CHL1: variants seen among roughly 807,000 people sequenced by gnomAD.
CHL1 encodes the protein cell adhesion molecule L1 like.
Under a neutral mutation model 141.9 loss-of-function variants are expected in CHL1, and 96 were observed. The observed-to-expected ratio is 0.68, with a 90% confidence interval of 0.57 to 0.80. CHL1 has a LOEUF of 0.80. Ranked by LOEUF, CHL1 falls within the 30% of genes least tolerant of loss-of-function variation. The pLI is 0.00. For synonymous variants in CHL1, 613 were observed against 502.2 expected (o/e 1.22, Z -2.95); for missense variants, 1,820 against 1,457.2 (o/e 1.25, Z -4.05).
At chr3:242,562 C>T (rs374770366) in intron 1 of CHL1, among the ~76,000 whole-genome samples, 1 of 151,844 alleles carries the variant, frequency 6.6e-6, no homozygotes, top group East Asian at 1.9e-4. Flanking sequence ...TGCCACTGCA[C>T]TCCAGCCTGG....
Position 354,764 on chromosome 3 carries a change from A to T in CHL1, c.1158A>T (p.Pro386=), listed in dbSNP as rs1335051305. The change falls in exon 11 of 28, where the codon CCA becomes CCT. Residue 386 remains proline (P), a synonymous_variant. Coordinates refer to ENST00000256509, the MANE Select transcript of CHL1 (RefSeq NM_006614.4). ...PTIKWRVNGS[P]VDNHPFAGDV... Reference sequence around the variant, plus strand: ...TCAAGTGGAGAGTCAATGGCTCCCCAGTTGACAGTAAGTTTAAAAACCAAT... The same window carrying T: ...TCAAGTGGAGAGTCAATGGCTCCCCTGTTGACAGTAAGTTTAAAAACCAAT... The T allele has an allele frequency of 1.2e-6, 2 of 1,613,216 alleles. No individual in the cohort carries two copies. Among genetic ancestry groups the T allele is most frequent in the African/African-American group, 2.7e-5 (2 of 74,866 alleles).
At chr3:244,852 A>G (rs1321015662) in intron 2 of CHL1, among the ~76,000 whole-genome samples, 160 bp downstream of exon 2, 2 of 152,184 alleles carry the variant, frequency 1.3e-5, no homozygotes, top group Admixed American at 6.6e-5. Flanking sequence ...GATATATCAT[A>G]TAGTGAAGGT....
chr3:216,930 G>C (rs1422686248), intron 1 of CHL1, among the ~76,000 whole-genome samples: 4 of 152,242 alleles, frequency 2.6e-5, no homozygotes, highest in African/African-American at 9.6e-5. Context: ...TTTTCACTAA[G>C]GCAGCATAAG....
Position 366,129 on chromosome 3 carries a change from T to C in CHL1, c.1751+14T>C, listed in dbSNP as rs370390652. On this transcript the variant is annotated intron_variant, in intron 15 of 27. Transcript: ENST00000256509. ...AGAAGATGGCAGGTAGGTAAACTAT[T>C]ATGATATGTCATAATATTTGCTTGG... 7 of 1,609,656 alleles carry C rather than the reference T, an allele frequency of 4.3e-6. No individual in the cohort carries two copies. In the African/African-American group the frequency reaches 9.4e-5, roughly 22 times the overall value.
intron 2 of CHL1, among the ~76,000 whole-genome samples, chr3:254,314 C>T (rs1162604072): frequency 2.6e-5 from 4 of 152,174 alleles, no homozygotes; most frequent in African/African-American, 4.8e-5. Flanking sequence ...AAACAAGACT[C>T]TTCTTCCCAG....
intron 27 of CHL1, among the ~76,000 whole-genome samples, chr3:402,101 C>A (rs528926957): frequency 6.6e-6 from 1 of 152,312 alleles, no homozygotes; most frequent in East Asian, 1.9e-4. Flanking sequence ...ACCCTGTCCT[C>A]TAGATGAACC....
chr3:328,802 G>A (rs1701214515), intron 5 of CHL1, among the ~76,000 whole-genome samples: 1 of 152,108 alleles, frequency 6.6e-6, no homozygotes. Context: ...GTTGCCTCTT[G>A]TGAAACATGC....
chr3:316,232 G>T (rs1700145684), intron 2 of CHL1, among the ~76,000 whole-genome samples: 1 of 151,936 alleles, frequency 6.6e-6, no homozygotes, highest in East Asian at 1.9e-4. Flanking sequence ...TATTTTACAG[G>T]TTGCTCTTTG....
At chr3:299,710 G>A (rs901253373) in intron 2 of CHL1, among the ~76,000 whole-genome samples, 6 of 152,124 alleles carry the variant, frequency 3.9e-5, no homozygotes, top group African/African-American at 1.4e-4. Context: ...CCCTGTGTGA[G>A]CTCCCCTAGG....
chr3:352,915 A>T (rs1327489047), intron 10 of CHL1, among the ~76,000 whole-genome samples: 1 of 152,180 alleles, frequency 6.6e-6, no homozygotes, highest in Non-Finnish European at 1.5e-5. Context: ...ATAACACTAA[A>T]TTAGAAACAA....
At chr3:290,367 A>T (rs1405409763) in intron 2 of CHL1, among the ~76,000 whole-genome samples, 1 of 152,184 alleles carries the variant, frequency 6.6e-6, no homozygotes, top group African/African-American at 2.4e-5. Context: ...AATTTGGAGT[A>T]CAAATTAATA....
At chr3:383,425 A>AAT (rs1485137764) in intron 18 of CHL1, among the ~76,000 whole-genome samples, 3 of 152,208 alleles carry the variant, frequency 2.0e-5, no homozygotes, top group Non-Finnish European at 4.4e-5. Context: ...TCTACAGGCA[A>AAT]ATATTCACAA....
intron 1 of CHL1, among the ~76,000 whole-genome samples, chr3:214,832 A>G (rs1263105185): frequency 6.6e-6 from 1 of 152,198 alleles, no homozygotes; most frequent in East Asian, 1.9e-4. Flanking sequence ...GTGAAATATT[A>G]TAACTCTGTC....
At chr3:228,545 T>G (rs555383817) in intron 1 of CHL1, among the ~76,000 whole-genome samples, 1 of 152,260 alleles carries the variant, frequency 6.6e-6, no homozygotes, top group East Asian at 1.9e-4. Flanking sequence ...TAGGTTACTT[T>G]CCATCTCTAT....
At chr3:227,465 C>T (rs951054348) in intron 1 of CHL1, among the ~76,000 whole-genome samples, 6 of 152,082 alleles carry the variant, frequency 3.9e-5, no homozygotes, top group African/African-American at 7.2e-5. Flanking sequence ...ATGACTGTTA[C>T]ATGAAAATGA....
chr3:370,661 T>G (rs1705514071), intron 15 of CHL1, among the ~76,000 whole-genome samples: 1 of 152,166 alleles, frequency 6.6e-6, no homozygotes, highest in Non-Finnish European at 1.5e-5. Flanking sequence ...TTGGATTAGT[T>G]TGCTCTTGCC....
intron 3 of CHL1, among the ~76,000 whole-genome samples, chr3:321,238 T>G (rs1700538169): frequency 6.6e-6 from 1 of 152,096 alleles, no homozygotes; most frequent in Non-Finnish European, 1.5e-5. Flanking sequence ...CTCTATTATT[T>G]TTAACAGATA....
intron 2 of CHL1, among the ~76,000 whole-genome samples, chr3:249,845 C>T (rs1574855971): frequency 6.6e-6 from 1 of 152,066 alleles, no homozygotes; most frequent in African/African-American, 2.4e-5. Flanking sequence ...TGAATATAGC[C>T]AGCTCCCTAA....
At chr3:273,316 T>G (rs1695802003) in intron 2 of CHL1, among the ~76,000 whole-genome samples, 1 of 152,184 alleles carries the variant, frequency 6.6e-6, no homozygotes, top group Admixed American at 6.5e-5. Context: ...GGGAAGTGGT[T>G]AGTTTGCCCC....
Sources: allele counts gnomAD v4.1 joint callset (sites outside exome capture counted in the v4.1 genomes callset), GRCh38; gene constraint gnomAD v4.1.1; transcripts MANE v1.5; gene names NCBI Gene and HGNC (gene_info 2026-07-23, HGNC 2026-07-21).